SS18L1: variants seen among roughly 807,000 people sequenced by gnomAD.
SS18L1 encodes calcium-responsive transactivator.
In SS18L1, 32 loss-of-function variants were observed where a neutral mutation model predicts 70.3. The observed-to-expected ratio is 0.46, with a 90% CI of 0.34 to 0.61. The LOEUF (loss-of-function observed/expected upper bound fraction) is 0.61. SS18L1 is among the 20% of genes least tolerant of loss of function. The probability of loss-of-function intolerance (pLI) is 0.01; values close to 1 mark genes in which losing one functional copy is unlikely to be tolerated. For missense variants in SS18L1, 430 were observed against 542.1 expected, an observed-to-expected ratio of 0.79 and a Z score of 2.05; for synonymous variants, 237 against 229.7, an observed-to-expected ratio of 1.03 and a Z score of -0.29.
intron 7 of SS18L1, 50 bp from the exon 8 acceptor site, chr20:62,165,372 C>T (rs1226157744): frequency 9.6e-6 from 15 of 1,563,082 alleles, no homozygotes; most frequent in Middle Eastern, 1.7e-4. Context: ...CCTCCGGGAC[C>T]TGTGCAGTGC....
intron 6 of SS18L1, 57 bp downstream of exon 6, chr20:62,163,679 G>A (rs1402920229): frequency 6.8e-7 from 1 of 1,474,690 alleles, no homozygotes; most frequent in Non-Finnish European, 9.0e-7. Context: ...GTCGTGAAGT[G>A]CCAGGCTGTG....
At chr20:62,170,930 C>T in intron 8 of SS18L1, among the ~76,000 whole-genome samples, 1 of 150,746 alleles carries the variant, frequency 6.6e-6, no homozygotes, top group East Asian at 2.0e-4. Flanking sequence ...GAGATGGAGT[C>T]TCACTCTATC....
intron 8 of SS18L1, among the ~76,000 whole-genome samples, chr20:62,166,948 A>T (rs1010851961): frequency 1.3e-5 from 2 of 151,720 alleles, no homozygotes; most frequent in African/African-American, 4.8e-5. Flanking sequence ...AAGAAATAAA[A>T]AAAAGAAATG....
At position 62,158,680 on chromosome 20, in the gene SS18L1, C is replaced by T. The variant is rs143575212; in HGVS notation, c.78C>T (p.Asp26=). 2.2e-4 allele frequency: 358 copies of T among 1,612,566 alleles called. No homozygotes were observed. The highest frequency in any genetic ancestry group is 8.5e-4 in the Admixed American group (51 of 60,022). The stretch of plus-strand genomic sequence containing the variant: ...TCACGCTCTCTCCGCAGATGCTGGA[C>T]GAGAACCACCACCTGATCCAGTGCA... The part of the protein sequence containing the change: ...VTQQTIQKML[D]ENHHLIQCIL... Residue 26 remains aspartate (D), a synonymous_variant, in exon 2 of 11, where the codon GAC becomes GAT. Coordinates refer to ENST00000331758, the MANE Select transcript of SS18L1 (RefSeq NM_198935.3). The surrounding 1 kb of genome is among the most constrained non-coding windows in gnomAD (Gnocchi z 4.5).
intron 1 of SS18L1, among the ~76,000 whole-genome samples, chr20:62,148,224 C>T (rs529804114): frequency 2.6e-5 from 4 of 152,340 alleles, no homozygotes; most frequent in East Asian, 1.9e-4. Flanking sequence ...CGGCCTTGCT[C>T]GGCCTCCTTG....
chr20:62,163,017 G>A, intron 5 of SS18L1, 86 bp downstream of exon 5: 1 of 1,519,558 alleles, frequency 6.6e-7, no homozygotes, highest in Non-Finnish European at 8.9e-7. Flanking sequence ...GTGGTCCCGG[G>A]GAAGCTGCCC....
At chr20:62,163,894 G>A (rs2057378631) in intron 6 of SS18L1, among the ~76,000 whole-genome samples, 1 of 152,160 alleles carries the variant, frequency 6.6e-6, no homozygotes, top group African/African-American at 2.4e-5. Flanking sequence ...GCTCATGCCT[G>A]TAGTCCGAGC....
intron 9 of SS18L1, 47 bp downstream of exon 9, chr20:62,172,848 C>T (rs1413910083): frequency 5.6e-6 from 9 of 1,599,794 alleles, no homozygotes; most frequent in Non-Finnish European, 6.8e-6. Flanking sequence ...CCCACCCCTG[C>T]CCCTGCCACA....
intron 1 of SS18L1, among the ~76,000 whole-genome samples, chr20:62,153,201 C>G (rs2057165209): frequency 6.6e-6 from 1 of 152,212 alleles, no homozygotes; most frequent in Admixed American, 6.5e-5. Context: ...GACTCACTCA[C>G]CATCACAAGA....
At chr20:62,155,373 A>G (rs2057204172) in intron 1 of SS18L1, among the ~76,000 whole-genome samples, 1 of 152,228 alleles carries the variant, frequency 6.6e-6, no homozygotes, top group African/African-American at 2.4e-5. Context: ...AGATCACGCC[A>G]CTGCACTCCA....
chr20:62,150,059 A>G (rs1304591893), intron 1 of SS18L1, among the ~76,000 whole-genome samples: 3 of 152,188 alleles, frequency 2.0e-5, no homozygotes, highest in African/African-American at 4.8e-5. Context: ...GTGTCTTCAC[A>G]TGTTCTTAGA....
At position 62,167,040 on chromosome 20, in the gene SS18L1, TTG is replaced by T. The variant is rs1491482654; in HGVS notation, c.916+1528_916+1529del. ...GGATTGCTTGAGCTCAGGAGTTTGT[TTG>T]TTTTTTTTTTTTTTTTTTTTTGAGA... On this transcript the variant is annotated intron_variant, in intron 8 of 10. Transcript: ENST00000331758. Among the ~76,000 whole-genome samples, 19 of 132,178 alleles carry T rather than the reference TTG, an allele frequency of 1.4e-4. 1 individual carries two copies. Among genetic ancestry groups the T allele is most frequent in the East Asian group, 7.0e-4 (3 of 4,312 alleles). The allele number at this position is 132,178 out of a possible 152,430, so 86.7% of individuals were successfully genotyped here.
At chr20:62,169,910 C>T (rs75900890) in intron 8 of SS18L1, among the ~76,000 whole-genome samples, 162 of 152,316 alleles carry the variant, frequency 1.1e-3, no homozygotes, top group South Asian at 3.7e-3. Flanking sequence ...CTCAGGCCCT[C>T]GCCAGGTGGT....
chr20:62,154,757 G>A (rs1056137421), intron 1 of SS18L1, among the ~76,000 whole-genome samples: 2 of 152,306 alleles, frequency 1.3e-5, no homozygotes, highest in African/African-American at 4.8e-5. Flanking sequence ...CCTTCCAATG[G>A]GGAAATGCGT....
intron 8 of SS18L1, among the ~76,000 whole-genome samples, chr20:62,166,576 C>T (rs6062099): frequency 0.17 from 25,558 of 150,888 alleles, 3,172 homozygotes; most frequent in African/African-American, 0.35. Context: ...ATGTCAGTTA[C>T]ACCTTTGTAA....
At chr20:62,172,218 T>G (rs1259968595) in intron 8 of SS18L1, among the ~76,000 whole-genome samples, 1 of 151,142 alleles carries the variant, frequency 6.6e-6, no homozygotes, top group African/African-American at 2.4e-5. Context: ...TCCTAGCTAC[T>G]TGGGAGGCTG....
At chr20:62,177,374 G>A (rs1356639680) in intron 10 of SS18L1, among the ~76,000 whole-genome samples, 1 of 152,026 alleles carries the variant, frequency 6.6e-6, no homozygotes, top group Non-Finnish European at 1.5e-5. Flanking sequence ...CTGGATTTGA[G>A]GCTTTCCGTC....
chr20:62,146,471 C>T (rs1174285257), intron 1 of SS18L1, among the ~76,000 whole-genome samples: 1 of 152,152 alleles, frequency 6.6e-6, no homozygotes, highest in Non-Finnish European at 1.5e-5. Flanking sequence ...AAATCTATTC[C>T]CTCACAGTTC....
At position 62,159,859 on chromosome 20, in the gene SS18L1, G is replaced by T. The variant is rs776043527; in HGVS notation, c.147-18G>T. The T allele has an allele frequency of 1.2e-6, 2 of 1,610,706 alleles. No individual in the cohort carries two copies. The highest frequency in any genetic ancestry group is 1.7e-6 in the Non-Finnish European group (2 of 1,179,252). On this transcript the variant is annotated intron_variant, in intron 2 of 10. Transcript: ENST00000331758. The surrounding 1 kb of genome is among the most constrained non-coding windows in gnomAD (Gnocchi z 4.4). ...GTGGTCCCGTCGTCCTGCCTCATGC[G>T]TGCCCCCTCTCCTGCAGGTACCAGC... is the stretch of plus-strand genomic sequence containing the variant.
Sources: allele counts gnomAD v4.1 joint callset (sites outside exome capture counted in the v4.1 genomes callset), GRCh38; gene constraint gnomAD v4.1.1; non-coding constraint Gnocchi (gnomAD v3.1); transcripts MANE v1.5; gene names NCBI Gene and HGNC (gene_info 2026-07-23, HGNC 2026-07-21).